The following TSPAN11 variants were observed in gnomAD, a reference collection of about 807,000 sequenced individuals.
TSPAN11 encodes tetraspanin-11.
In TSPAN11, 29 loss-of-function variants were observed where a neutral mutation model predicts 32.9. That is an observed-to-expected ratio of 0.88 (90% CI 0.66 to 1.20). The LOEUF is 1.20. Ranked by LOEUF, TSPAN11 falls within the 50% of genes most tolerant of loss-of-function variation. The pLI, the probability that TSPAN11 is intolerant of heterozygous loss-of-function variation, is 0.00. For missense variants in TSPAN11, 283 were observed against 329.1 expected (o/e 0.86, Z 1.08); for synonymous variants, 140 against 141.3 (o/e 0.99, Z 0.07).
chr12:30,970,630 TCAGACATTGGC>T (rs1338317354), intron 3 of TSPAN11, among the ~76,000 whole-genome samples: 2 of 152,224 alleles, frequency 1.3e-5, no homozygotes, highest in East Asian at 3.9e-4. Context: ...CAAGTCAGTA[TCAGACATTGGC>T]CAGAGCACAT....
chr12:30,962,470 A>G (rs1394221166), intron 2 of TSPAN11, among the ~76,000 whole-genome samples: 1 of 152,230 alleles, frequency 6.6e-6, no homozygotes, highest in Non-Finnish European at 1.5e-5. Flanking sequence ...AAAATGCAGA[A>G]TATGTGCCCT....
intron 3 of TSPAN11, among the ~76,000 whole-genome samples, chr12:30,978,003 C>G (rs1213637580): frequency 6.6e-6 from 1 of 152,190 alleles, no homozygotes; most frequent in Non-Finnish European, 1.5e-5. Flanking sequence ...AGGGCACTCT[C>G]CACTCCCTGA....
intron 3 of TSPAN11, among the ~76,000 whole-genome samples, chr12:30,968,716 G>A (rs1343920572): frequency 6.6e-6 from 1 of 152,140 alleles, no homozygotes; most frequent in Non-Finnish European, 1.5e-5. Flanking sequence ...TCTTTATTGG[G>A]AGTTCTTTTC....
chr12:30,965,021 G>A (rs913853239), intron 3 of TSPAN11, among the ~76,000 whole-genome samples: 1 of 152,220 alleles, frequency 6.6e-6, no homozygotes, highest in African/African-American at 2.4e-5. Context: ...GGGTGATGCA[G>A]GTCGGTCAAC....
At chr12:30,961,243 C>T (rs1938607082) in intron 2 of TSPAN11, among the ~76,000 whole-genome samples, 1 of 151,834 alleles carries the variant, frequency 6.6e-6, no homozygotes, top group Non-Finnish European at 1.5e-5. Context: ...GAGTGACAGC[C>T]ATGAGCCATT....
chr12:30,958,130 G>A (rs1448161607), intron 2 of TSPAN11, among the ~76,000 whole-genome samples: 1 of 152,000 alleles, frequency 6.6e-6, no homozygotes, highest in East Asian at 1.9e-4. Context: ...AAGATGAACA[G>A]GTGATCTCAT....
chr12:30,984,634 C>A (rs2140308918), intron 7 of TSPAN11, among the ~76,000 whole-genome samples: 1 of 144,228 alleles, frequency 6.9e-6, no homozygotes, highest in East Asian at 2.2e-4. Context: ...CCTCAGCTCA[C>A]TGCAACCTCC....
At chr12:31,003,399 G>T in the TSPAN11 span, among the ~76,000 whole-genome samples, 4 of 152,196 alleles carry the variant, frequency 2.6e-5, no homozygotes, top group African/African-American at 9.7e-5. Context: ...CAAGAAGGCA[G>T]TTTGAGGACC....
At chr12:30,931,791 A>G (rs949254170) in intron 1 of TSPAN11, among the ~76,000 whole-genome samples, 1 of 148,772 alleles carries the variant, frequency 6.7e-6, no homozygotes, top group Admixed American at 6.7e-5. Flanking sequence ...GAGGCAGAAA[A>G]ATCGTTTGAA....
chr12:30,927,590 G>T (rs1192908169), intron 1 of TSPAN11, among the ~76,000 whole-genome samples: 1 of 151,986 alleles, frequency 6.6e-6, no homozygotes, highest in East Asian at 1.9e-4. Context: ...GAGCGTGGGG[G>T]TGGGGGGTGA....
chr12:31,008,058 G>A, the TSPAN11 span, among the ~76,000 whole-genome samples: 1 of 151,702 alleles, frequency 6.6e-6, no homozygotes, highest in Non-Finnish European at 1.5e-5. Context: ...GCCACACAGG[G>A]TCTCCCAGGG....
intron 1 of TSPAN11, among the ~76,000 whole-genome samples, chr12:30,930,848 A>G (rs11615694): frequency 0.14 from 20,600 of 152,158 alleles, 1,401 homozygotes; most frequent in African/African-American, 0.15. Flanking sequence ...ATGCTTTTCC[A>G]ACTGGCCATG....
the TSPAN11 span, among the ~76,000 whole-genome samples, chr12:31,009,755 T>C: frequency 1.3e-5 from 2 of 152,144 alleles, no homozygotes; most frequent in Non-Finnish European, 2.9e-5. Flanking sequence ...GACGAAGCAG[T>C]GTCATAAGGC....
chr12:30,980,641 G>A (rs943842466), intron 5 of TSPAN11, among the ~76,000 whole-genome samples: 2 of 151,626 alleles, frequency 1.3e-5, no homozygotes, highest in African/African-American at 2.4e-5. Flanking sequence ...GAGCCCCAGC[G>A]GCGTCATGGA....
At chr12:31,003,497 G>T in the TSPAN11 span, among the ~76,000 whole-genome samples, 1 of 152,204 alleles carries the variant, frequency 6.6e-6, no homozygotes, top group African/African-American at 2.4e-5. Context: ...GCCAGAGGAT[G>T]CCCCTAAAGC....
At chr12:30,952,007 A>C (rs1347097057) in intron 1 of TSPAN11, among the ~76,000 whole-genome samples, 1 of 152,214 alleles carries the variant, frequency 6.6e-6, no homozygotes, top group Non-Finnish European at 1.5e-5. Context: ...TATTTTCCCC[A>C]CCACTAATGA....
Position 30,937,677 on chromosome 12 carries a change from C to T in TSPAN11, c.-12+10881C>T, listed in dbSNP as rs576581337. ...TTGTCTACCATCCCCAAGGGCAGTG[C>T]GTGGTCTCAAAGTGTGGTCCCCAGA... On this transcript the variant is annotated intron_variant, in intron 1 of 7. Coordinates refer to ENST00000546076, the MANE Select transcript of TSPAN11 (RefSeq NM_001370302.1). Among the ~76,000 whole-genome samples the T allele has an allele frequency of 1.2e-4, 19 of 152,318 alleles. No homozygotes were observed. The South Asian group carries it at 3.7e-3, about 30-fold the overall frequency.
intron 2 of TSPAN11, among the ~76,000 whole-genome samples, chr12:30,959,766 T>G (rs1592476989): frequency 4.9e-5 from 6 of 123,340 alleles, no homozygotes; most frequent in African/African-American, 3.3e-5. Flanking sequence ...CGCGACCGAG[T>G]GAGACTCTGT....
intron 3 of TSPAN11, among the ~76,000 whole-genome samples, chr12:30,969,686 C>G (rs1266787456): frequency 6.6e-6 from 1 of 152,174 alleles, no homozygotes; most frequent in Non-Finnish European, 1.5e-5. Flanking sequence ...CACCACCTCC[C>G]TCCGATTTTC....
Sources: allele counts gnomAD v4.1 joint callset (sites outside exome capture counted in the v4.1 genomes callset), GRCh38; gene constraint gnomAD v4.1.1; transcripts MANE v1.5; gene names NCBI Gene and HGNC (gene_info 2026-07-23, HGNC 2026-07-21).